LAMA3: variants seen among roughly 807,000 people sequenced by gnomAD.
LAMA3 encodes the protein laminin subunit alpha-3.
A neutral mutation model predicts 402.0 loss-of-function variants in LAMA3; 281 were observed. The observed-to-expected ratio is 0.70, with a 90% confidence interval of 0.63 to 0.77. LAMA3 has a LOEUF of 0.77. Ranked by LOEUF, LAMA3 falls within the 30% of genes least tolerant of loss-of-function variation. The pLI is 0.00. For synonymous variants in LAMA3, 1,431 were observed against 1,558.4 expected (o/e 0.92, Z 1.93); for missense variants, 3,840 against 4,215.5 (o/e 0.91, Z 2.47).
intron 32 of LAMA3, among the ~76,000 whole-genome samples, chr18:23,857,103 G>C (rs952820024): frequency 6.6e-6 from 1 of 152,234 alleles, no homozygotes; most frequent in Non-Finnish European, 1.5e-5. Flanking sequence ...GGAGGCAGCA[G>C]CTACCGTGTT....
chr18:23,886,307 C>T (rs2065071304), intron 41 of LAMA3, among the ~76,000 whole-genome samples: 1 of 152,138 alleles, frequency 6.6e-6, no homozygotes, highest in Non-Finnish European at 1.5e-5. Flanking sequence ...GACTACCTAC[C>T]ACAATGGATA....
At chr18:23,856,728 A>G (rs1463412930) in intron 32 of LAMA3, among the ~76,000 whole-genome samples, 2 of 152,108 alleles carry the variant, frequency 1.3e-5, no homozygotes, top group Admixed American at 6.5e-5. Context: ...AACAAGGGAC[A>G]TTAAGATCCA....
intron 32 of LAMA3, 97 bp downstream of exon 32, chr18:23,847,765 C>A (rs2063852505): frequency 7.9e-7 from 1 of 1,268,390 alleles, no homozygotes; most frequent in Non-Finnish European, 1.1e-6. Context: ...TCCCACCTGT[C>A]CAGGGGTGCC....
chr18:23,847,796 G>A, intron 32 of LAMA3, 128 bp downstream of exon 32: 2 of 916,858 alleles, frequency 2.2e-6, no homozygotes, highest in Non-Finnish European at 3.4e-6. Context: ...CTCGGCATGA[G>A]CTTCCCAGAC....
intron 62 of LAMA3, among the ~76,000 whole-genome samples, chr18:23,927,630 T>C (rs1196580975): frequency 6.6e-6 from 1 of 152,062 alleles, no homozygotes; most frequent in Non-Finnish European, 1.5e-5. Context: ...AGTAACACTT[T>C]GTTTCTTCTG....
chr18:23,878,542 T>C (rs2144885225), intron 39 of LAMA3, among the ~76,000 whole-genome samples: 1 of 152,368 alleles, frequency 6.6e-6, no homozygotes, highest in African/African-American at 2.4e-5. Context: ...TGCACTCAGC[T>C]AACGGCTCCG....
Position 23,865,008 on chromosome 18 carries a change from A to G in LAMA3, c.4683+125A>G, listed in dbSNP as rs45564548. 7.0e-3 allele frequency: 5,064 copies of G among 723,078 alleles called. 30 individuals are homozygous for G. The highest frequency in any genetic ancestry group is 0.039 in the Middle Eastern group (171 of 4,406). The allele number at this position is 723,078 out of a possible 1,614,324, so 44.8% of individuals were successfully genotyped here. A position where few individuals can be genotyped will look rare whatever the true frequency, so the allele number is the denominator to read the frequency against. ...GATTAAATCATTTCCAATATTTTGCAGAAACTAAATGAAAGTTGAAAGCAT... is the reference window on the plus strand; with the variant it reads ...GATTAAATCATTTCCAATATTTTGCGGAAACTAAATGAAAGTTGAAAGCAT... On this transcript the variant is annotated intron_variant, in intron 36 of 74. Coordinates refer to ENST00000313654, the MANE Select transcript of LAMA3 (RefSeq NM_198129.4).
rs1480052350 is a variant in LAMA3, at chr18:23,861,766, A to G, written c.4543A>G (p.Ser1515Gly). ...DLQELPATIH[S>G]ASWVAPTSYL... Reference sequence around the variant, plus strand: ...CCAGGAGCTGCCCGCAACCATCCACAGCGCGTCCTGGGTCGCACCCACCTC... The same window carrying G: ...CCAGGAGCTGCCCGCAACCATCCACGGCGCGTCCTGGGTCGCACCCACCTC... Residue 1515 changes from serine (S) to glycine (G), a missense_variant, in exon 35 of 75, where the codon AGC (serine) becomes GGC (glycine). Physicochemically the swap from Ser to Gly is moderately conservative, Grantham distance 56. Coordinates refer to ENST00000313654, the MANE Select transcript of LAMA3 (RefSeq NM_198129.4). 5 of 1,613,748 alleles carry G rather than the reference A, an allele frequency of 3.1e-6. No individual in the cohort carries two copies. The highest frequency in any genetic ancestry group is 3.4e-6 in the Non-Finnish European group (4 of 1,179,900).
chr18:23,916,432 C>A, intron 59 of LAMA3, 119 bp from the exon 60 acceptor site: 1 of 1,152,830 alleles, frequency 8.7e-7, no homozygotes, highest in Non-Finnish European at 1.3e-6. Flanking sequence ...AAAATTATGA[C>A]AACTAGATTG....
At chr18:23,754,288 G>A (rs1249097751) in intron 6 of LAMA3, among the ~76,000 whole-genome samples, 4 of 152,098 alleles carry the variant, frequency 2.6e-5, no homozygotes, top group Admixed American at 1.3e-4. Context: ...AGAACTCTTC[G>A]TTTTGCAAAA....
intron 13 of LAMA3, among the ~76,000 whole-genome samples, chr18:23,811,946 T>C (rs1568209160): frequency 2.0e-5 from 3 of 151,864 alleles, no homozygotes; most frequent in Non-Finnish European, 4.4e-5. Flanking sequence ...TGATCTCAGC[T>C]CACTGCGAGC....
chr18:23,900,715 T>G (rs987480408), intron 47 of LAMA3, among the ~76,000 whole-genome samples: 5 of 152,220 alleles, frequency 3.3e-5, no homozygotes, highest in African/African-American at 1.2e-4. Flanking sequence ...GCAGTTTTCT[T>G]GCTTAAATTT....
chr18:23,835,085 A>G (rs1181908632), intron 24 of LAMA3, among the ~76,000 whole-genome samples: 1 of 152,232 alleles, frequency 6.6e-6, no homozygotes, highest in Non-Finnish European at 1.5e-5. Context: ...GTATCTGTCT[A>G]TAGATGAAAT....
At chr18:23,738,421 T>C (rs1221790324) in intron 2 of LAMA3, among the ~76,000 whole-genome samples, 1 of 152,038 alleles carries the variant, frequency 6.6e-6, no homozygotes, top group Non-Finnish European at 1.5e-5. Flanking sequence ...ATTCGTAGAC[T>C]TGGGAAAGTA....
At chr18:23,756,477 A>G (rs2061847352) in intron 6 of LAMA3, among the ~76,000 whole-genome samples, 1 of 127,124 alleles carries the variant, frequency 7.9e-6, no homozygotes. Flanking sequence ...AAAAAACCCA[A>G]AAAAACCCCA....
chr18:23,925,098 T>C (rs1008522969), intron 62 of LAMA3, among the ~76,000 whole-genome samples: 19 of 152,290 alleles, frequency 1.2e-4, no homozygotes, highest in Middle Eastern at 3.4e-3. Context: ...CCAAGCTCTG[T>C]AGGGGCAACC....
intron 42 of LAMA3, among the ~76,000 whole-genome samples, chr18:23,891,929 G>A (rs1290574768): frequency 6.6e-6 from 1 of 152,188 alleles, no homozygotes; most frequent in East Asian, 1.9e-4. Context: ...AAGAGAGTAA[G>A]ACTCTGAAGG....
chr18:23,853,669 C>T (rs1207851714), intron 32 of LAMA3, among the ~76,000 whole-genome samples: 1 of 152,186 alleles, frequency 6.6e-6, no homozygotes, highest in Non-Finnish European at 1.5e-5. Flanking sequence ...TGTTACAAAA[C>T]GTTTGGCCAG....
At position 23,943,799 on chromosome 18, in the gene LAMA3, C is replaced by A; in HGVS notation, c.9038C>A (p.Ala3013Asp). The A allele has an allele frequency of 1.2e-6, 2 of 1,613,924 alleles. No homozygotes were observed. The highest frequency in any genetic ancestry group is 1.7e-6 in the Non-Finnish European group (2 of 1,179,814). ...QELLKPRSQF[A>D]VDMQTTSSRG... ...GATGTTCCCAACAGGTCACAGTTTG[C>A]TGTGGACATGCAGACAACATCCTCC... The change falls in exon 69 of 75, where the codon GCT (alanine) becomes GAT (aspartate). Residue 3013 changes from alanine to aspartate, a missense_variant. Around this residue, in one of 3 missense-constraint regions of LAMA3, gnomAD observed 840 missense variants for 981.9 expected, o/e 0.86. Coordinates refer to ENST00000313654, the MANE Select transcript of LAMA3 (RefSeq NM_198129.4).
Sources: allele counts gnomAD v4.1 joint callset (sites outside exome capture counted in the v4.1 genomes callset), GRCh38; gene constraint gnomAD v4.1.1; regional missense constraint gnomAD v4.1.1; transcripts MANE v1.5; gene names NCBI Gene and HGNC (gene_info 2026-07-23, HGNC 2026-07-21).